DMXL2: variants seen among roughly 807,000 people sequenced by gnomAD.
The protein encoded by DMXL2 is dmX-like protein 2.
In DMXL2, 103 loss-of-function variants were observed where a neutral mutation model predicts 331.1. That is an observed-to-expected ratio of 0.31 (90% CI 0.27 to 0.37). The LOEUF (loss-of-function observed/expected upper bound fraction) is 0.37, where lower values mean the gene tolerates loss of function less well. Among genes scored for constraint, DMXL2 ranks in the 10% least tolerant of loss-of-function variants. DMXL2 has a pLI of 1.00. For synonymous variants in DMXL2, 1,281 were observed against 1,252.1 expected (o/e 1.02, Z -0.49); for missense variants, 3,171 against 3,642.9 (o/e 0.87, Z 3.33).
At chr15:51,453,029 C>CTAAGCTA (rs2039291878) in intron 41 of DMXL2, among the ~76,000 whole-genome samples, 1 of 151,662 alleles carries the variant, frequency 6.6e-6, no homozygotes, top group African/African-American at 2.4e-5. Context: ...TAAGTGGGAG[C>CTAAGCTA]TAAGCTATGA....
chr15:51,461,182 C>T (rs530355441), intron 33 of DMXL2, among the ~76,000 whole-genome samples: 8 of 152,278 alleles, frequency 5.3e-5, no homozygotes, highest in East Asian at 1.9e-4. Flanking sequence ...AGAAACATTC[C>T]GTTTATCTCT....
Position 51,499,122 on chromosome 15 carries a change from G to A in DMXL2, c.4102C>T (p.Leu1368Phe). ...GCAATACATTTTACTAAATGAGAGA[G>A]AATGGCTTTAGCCCTTCGCACTTTC... The part of the protein sequence containing the change: ...LGKVRRAKAI[L>F]SHLVKCIAGE... Residue 1368 changes from leucine to phenylalanine, a missense_variant, in exon 18 of 44, where the codon CTC becomes TTC. Around this residue, in one of 7 missense-constraint regions of DMXL2, gnomAD observed 1,674 missense variants for 1,780.2 expected, o/e 0.94. Transcript: ENST00000560891. 1.9e-6 allele frequency: 3 copies of A among 1,614,090 alleles called. No homozygotes were observed. Among genetic ancestry groups the A allele is most frequent in the Non-Finnish European group, 2.5e-6 (3 of 1,180,026 alleles).
intron 13 of DMXL2, among the ~76,000 whole-genome samples, chr15:51,521,449 AGT>A (rs1567062826): frequency 6.0e-5 from 9 of 148,980 alleles, no homozygotes; most frequent in Non-Finnish European, 1.2e-4. Context: ...TAGTAGTAGT[AGT>A]AGTAGTAGTA....
Position 51,488,139 on chromosome 15 carries a change from A to C in DMXL2, c.5052-20T>G. ...TGTGACCTGGGGACCGAGCATAAAC[A>C]TAAAGTGGTTAAACCAAATTTAAAA... is the stretch of plus-strand genomic sequence containing the variant. On this transcript the variant is annotated intron_variant, in intron 21 of 43. Transcript: ENST00000560891. 5.1e-6 allele frequency: 8 copies of C among 1,562,110 alleles called. No homozygotes were observed. Among genetic ancestry groups the C allele is most frequent in the Non-Finnish European group, 6.9e-6 (8 of 1,158,368 alleles).
intron 10 of DMXL2, 122 bp from the exon 11 acceptor site, chr15:51,537,881 A>G: frequency 1.6e-6 from 2 of 1,218,148 alleles, no homozygotes; most frequent in Non-Finnish European, 2.2e-6. Flanking sequence ...AGTCAGAAAA[A>G]AAAACAAAGG....
intron 1 of DMXL2, among the ~76,000 whole-genome samples, chr15:51,578,527 C>A (rs918210237): frequency 6.6e-6 from 1 of 152,128 alleles, no homozygotes; most frequent in African/African-American, 2.4e-5. Flanking sequence ...ACCTAGGAAA[C>A]CTGTTAGAAA....
intron 1 of DMXL2, among the ~76,000 whole-genome samples, chr15:51,618,713 C>T (rs951493778): frequency 6.6e-6 from 1 of 152,158 alleles, no homozygotes; most frequent in Admixed American, 6.5e-5. Context: ...AACAGTCACT[C>T]AATAATTTAT....
intron 1 of DMXL2, among the ~76,000 whole-genome samples, chr15:51,581,663 T>A: frequency 6.6e-6 from 1 of 152,234 alleles, no homozygotes. Flanking sequence ...TTTCTCAAAT[T>A]TCCTTTATGT....
At chr15:51,600,023 A>C (rs1020702279) in intron 1 of DMXL2, among the ~76,000 whole-genome samples, 1 of 152,046 alleles carries the variant, frequency 6.6e-6, no homozygotes, top group African/African-American at 2.4e-5. Flanking sequence ...TACACTTGTA[A>C]CTCTCTTCTT....
chr15:51,599,074 A>G (rs2053041573), intron 1 of DMXL2, among the ~76,000 whole-genome samples: 3 of 152,174 alleles, frequency 2.0e-5, no homozygotes, highest in African/African-American at 7.2e-5. Context: ...TATCTTATTC[A>G]AAGGGTTATA....
At chr15:51,510,641 C>A (rs554457549) in intron 15 of DMXL2, among the ~76,000 whole-genome samples, 1 of 152,114 alleles carries the variant, frequency 6.6e-6, no homozygotes, top group African/African-American at 2.4e-5. Flanking sequence ...AGATTCAATG[C>A]TATCCCCATC....
intron 1 of DMXL2, among the ~76,000 whole-genome samples, chr15:51,587,721 C>G (rs981827474): frequency 1.3e-5 from 2 of 152,142 alleles, no homozygotes; most frequent in African/African-American, 2.4e-5. Flanking sequence ...ATTTCTAGCT[C>G]TAGATCCCTG....
At chr15:51,500,500 C>G (rs2043512380) in intron 17 of DMXL2, among the ~76,000 whole-genome samples, 1 of 152,074 alleles carries the variant, frequency 6.6e-6, no homozygotes, top group African/African-American at 2.4e-5. Flanking sequence ...ATGAGGCAAC[C>G]ATTTAATTAA....
intron 2 of DMXL2, among the ~76,000 whole-genome samples, chr15:51,568,800 T>A (rs1016652908): frequency 4.6e-5 from 7 of 152,062 alleles, no homozygotes; most frequent in African/African-American, 1.7e-4. Context: ...GAAATCATAT[T>A]TGGATGGACA....
At position 51,474,503 on chromosome 15, in the gene DMXL2, C is replaced by A. The variant is rs2041401096; in HGVS notation, c.7054G>T (p.Val2352Phe). 4 of 1,614,136 alleles carry A rather than the reference C, an allele frequency of 2.5e-6. No individual in the cohort carries two copies. The highest frequency in any genetic ancestry group is 1.1e-5 in the South Asian group (1 of 91,086). ...NILLCEAVVA[V>F]YLSLLIHALA... ...GCATGTATCAATAAACTTAAGTAAA[C>A]AGCAACAACAGCTTCACATAGCAAA... is the stretch of plus-strand genomic sequence containing the variant. Residue 2352 changes from valine to phenylalanine, a missense_variant, in exon 28 of 44, where the codon GTT becomes TTT. Physicochemically the swap from Val to Phe is conservative, Grantham distance 50. Around this residue, in one of 7 missense-constraint regions of DMXL2, gnomAD observed 766 missense variants for 940.5 expected, o/e 0.81. Coordinates refer to ENST00000560891, the MANE Select transcript of DMXL2 (RefSeq NM_001378457.1).
At chr15:51,553,475 A>AT (rs764268378) in intron 6 of DMXL2, among the ~76,000 whole-genome samples, 15 of 151,966 alleles carry the variant, frequency 9.9e-5, no homozygotes, top group Admixed American at 6.6e-4. Flanking sequence ...CCGTTATATG[A>AT]TAAAAAAAAA....
At chr15:51,592,239 A>C (rs539214235) in intron 1 of DMXL2, among the ~76,000 whole-genome samples, 15 of 152,344 alleles carry the variant, frequency 9.8e-5, no homozygotes, top group African/African-American at 3.1e-4. Flanking sequence ...GATGGAGCTA[A>C]AAACCAAGGC....
intron 13 of DMXL2, among the ~76,000 whole-genome samples, chr15:51,533,869 G>A (rs1035479895): frequency 2.6e-5 from 4 of 152,176 alleles, no homozygotes; most frequent in African/African-American, 9.7e-5. Context: ...CTCAGATGGT[G>A]CAGGTATAAC....
At chr15:51,592,380 A>G (rs1203538694) in intron 1 of DMXL2, among the ~76,000 whole-genome samples, 1 of 152,236 alleles carries the variant, frequency 6.6e-6, no homozygotes, top group Non-Finnish European at 1.5e-5. Context: ...AAGAATAAAA[A>G]GAAACGAACA....
Sources: allele counts gnomAD v4.1 joint callset (sites outside exome capture counted in the v4.1 genomes callset), GRCh38; gene constraint gnomAD v4.1.1; regional missense constraint gnomAD v4.1.1; transcripts MANE v1.5; gene names NCBI Gene and HGNC (gene_info 2026-07-23, HGNC 2026-07-21).